The following FAAH2 variants were observed in gnomAD, a reference collection of about 807,000 sequenced individuals.
The protein encoded by FAAH2 is fatty-acid amide hydrolase 2.
A neutral mutation model predicts 36.9 loss-of-function variants in FAAH2; 60 were observed. That is an observed-to-expected ratio of 1.63 (90% confidence interval 1.32 to 2.02). The LOEUF (loss-of-function observed/expected upper bound fraction) is 2.02, where lower values mean the gene tolerates loss of function less well. Among genes scored for constraint, FAAH2 ranks in the 30% most tolerant of loss-of-function variants. The pLI is 0.00. For missense variants in FAAH2, 689 were observed against 397.5 expected (o/e 1.73, Z -6.23); for synonymous variants, 214 against 143.8 (o/e 1.49, Z -3.49).
intron 3 of FAAH2, among the ~76,000 whole-genome samples, chrX:57,330,159 G>C (rs762410785): frequency 8.9e-6 from 1 of 111,869 alleles, no homozygotes; most frequent in African/African-American, 3.3e-5. Context: ...TCTGACCACC[G>C]GTGAGCCGGG....
intron 5 of FAAH2, among the ~76,000 whole-genome samples, chrX:57,347,604 G>GTTTTTTTTTTTTTT (rs61323098): frequency 1.3e-5 from 1 of 77,902 alleles, no homozygotes; most frequent in African/African-American, 6.5e-5. Flanking sequence ...GGGATGCTAA[G>GTTTTTTTTTTTTTT]TTTTTTTTTT....
chrX:57,452,197 T>G lies in FAAH2; in HGVS notation c.1423+3479T>G, dbSNP rs186148343. 1.1e-4 allele frequency: 82 copies of G among 753,034 alleles called. 1 individual carries two copies. The East Asian group carries it at 5.0e-3, about 46-fold the overall frequency. The allele number at this position is 753,034 out of a possible 1,213,427, so 62.1% of individuals were successfully genotyped here. ...GATGAACAGCATTGGCCATACAGCA[T>G]TTTAAAGATCTCATCTGAGAAACCC... On this transcript the variant is annotated intron_variant, in intron 10 of 10. Transcript: ENST00000374900.
At chrX:57,204,184 G>A in the FAAH2 span, among the ~76,000 whole-genome samples, 4 of 110,990 alleles carry the variant, frequency 3.6e-5, no homozygotes, top group East Asian at 2.8e-4. Context: ...AAACAAGTAC[G>A]CTCATTATTT....
At chrX:57,187,595 A>G in the FAAH2 span, among the ~76,000 whole-genome samples, 1 of 111,145 alleles carries the variant, frequency 9.0e-6, no homozygotes, top group Non-Finnish European at 1.9e-5. Flanking sequence ...AGAACTTCCA[A>G]TACTATATTG....
intron 5 of FAAH2, among the ~76,000 whole-genome samples, chrX:57,361,811 T>A (rs2054292887): frequency 8.9e-6 from 1 of 112,157 alleles, no homozygotes; most frequent in African/African-American, 3.2e-5. Context: ...TTCCCTTTAG[T>A]GTTTCTTATA....
At chrX:57,319,227 A>G (rs769899267) in intron 3 of FAAH2, among the ~76,000 whole-genome samples, 1 of 111,956 alleles carries the variant, frequency 8.9e-6, no homozygotes, top group South Asian at 3.7e-4. Flanking sequence ...GAGGAAGTCA[A>G]GTTGTCTCTT....
At chrX:57,168,277 A>G in the FAAH2 span, among the ~76,000 whole-genome samples, 1 of 110,003 alleles carries the variant, frequency 9.1e-6, no homozygotes, top group Non-Finnish European at 1.9e-5. Flanking sequence ...TTCTTTTATT[A>G]TATAATTGTG....
chrX:57,420,932 G>A (rs747586133), intron 7 of FAAH2, among the ~76,000 whole-genome samples: 2 of 111,912 alleles, frequency 1.8e-5, no homozygotes, highest in African/African-American at 3.2e-5. Flanking sequence ...TAGCATGAAG[G>A]GTTGTTGAAT....
intron 7 of FAAH2, among the ~76,000 whole-genome samples, chrX:57,418,078 C>A (rs895107236): frequency 9.0e-6 from 1 of 111,437 alleles, no homozygotes; most frequent in African/African-American, 3.3e-5. Context: ...CCTCCCTCCC[C>A]CCACCATGCC....
intron 4 of FAAH2, among the ~76,000 whole-genome samples, chrX:57,337,048 G>A (rs760590509): frequency 1.7e-4 from 19 of 109,911 alleles, no homozygotes; most frequent in Non-Finnish European, 3.4e-4. Context: ...GACAAAATCG[G>A]AATGATAAGG....
chrX:57,219,542 C>T, the FAAH2 span, among the ~76,000 whole-genome samples: 4 of 112,471 alleles, frequency 3.6e-5, 1 homozygote, highest in Admixed American at 3.7e-4. Flanking sequence ...CTTGGTTTCT[C>T]CAGTCCAAAG....
At chrX:57,209,026 C>A in the FAAH2 span, among the ~76,000 whole-genome samples, 1 of 111,465 alleles carries the variant, frequency 9.0e-6, no homozygotes, top group Non-Finnish European at 1.9e-5. Context: ...CAGTTTATGG[C>A]CAGATTTGGG....
At chrX:57,467,927 A>G (rs763305347) in intron 10 of FAAH2, among the ~76,000 whole-genome samples, 1 of 111,759 alleles carries the variant, frequency 8.9e-6, no homozygotes, top group Non-Finnish European at 1.9e-5. Context: ...AGGCAGCAAC[A>G]TTTGCTGTTC....
chrX:57,310,085 G>A lies in FAAH2; in HGVS notation c.276-508G>A, dbSNP rs760082671. The stretch of plus-strand genomic sequence containing the variant: ...TTCCTTTACCTCTGTAGCCTCGGCA[G>A]CATCTGTTGTTTCTTGATTTTTAAC... On this transcript the variant is annotated intron_variant, in intron 2 of 10. Transcript: ENST00000374900. Among the ~76,000 whole-genome samples the A allele has an allele frequency of 1.3e-4, 15 of 112,075 alleles. No individual in the cohort carries two copies. In the South Asian group the frequency reaches 5.2e-3, roughly 39 times the overall value.
At chrX:57,447,796 G>A (rs1296569949) in intron 9 of FAAH2, among the ~76,000 whole-genome samples, 1 of 111,566 alleles carries the variant, frequency 9.0e-6, no homozygotes, top group Non-Finnish European at 1.9e-5. Context: ...TTTCCTCTTA[G>A]GCCTCTGAAC....
chrX:57,432,534 G>A (rs1011099764), intron 8 of FAAH2, among the ~76,000 whole-genome samples: 2 of 111,370 alleles, frequency 1.8e-5, no homozygotes, highest in East Asian at 5.6e-4. Flanking sequence ...AGAGCTATCT[G>A]CCCATCTCCT....
chrX:57,449,557 G>A (rs1416572922), intron 10 of FAAH2, among the ~76,000 whole-genome samples: 1 of 111,494 alleles, frequency 9.0e-6, no homozygotes, highest in African/African-American at 3.3e-5. Flanking sequence ...TGGAGGATGA[G>A]GGAGAGGATA....
chrX:57,372,634 G>C (rs1487853543), intron 5 of FAAH2, among the ~76,000 whole-genome samples: 2 of 111,505 alleles, frequency 1.8e-5, no homozygotes, highest in African/African-American at 6.5e-5. Context: ...AACAAAAGTA[G>C]TAGTAGAATT....
chrX:57,369,385 A>T (rs998702990), intron 5 of FAAH2, among the ~76,000 whole-genome samples: 1 of 110,810 alleles, frequency 9.0e-6, no homozygotes. Flanking sequence ...AGCTCAAAGG[A>T]CTCCAGATTC....
Sources: gnomAD v4.1 joint callset for allele counts (sites outside exome capture counted in the v4.1 genomes callset) on GRCh38, gnomAD v4.1.1 for gene constraint, MANE v1.5 for transcripts, NCBI Gene and HGNC (gene_info 2026-07-23, HGNC 2026-07-21) for gene names.